STEAP1B: variants seen among roughly 807,000 people sequenced by gnomAD.
STEAP1B encodes the protein STEAP family protein MGC87042.
Under a neutral mutation model 27.9 loss-of-function variants are expected in STEAP1B, and 13 were observed. The ratio of observed to expected loss-of-function variants is 0.47; its 90% CI spans 0.30 to 0.74. The LOEUF is 0.74. Ranked by LOEUF, STEAP1B falls within the 30% of genes least tolerant of loss-of-function variation. STEAP1B has a pLI of 0.06. For synonymous variants in STEAP1B, 86 were observed against 107.1 expected (o/e 0.80, Z 1.22); for missense variants, 250 against 298.7 (o/e 0.84, Z 1.20).
chr7:22,480,261 G>A (rs73268570), intron 4 of STEAP1B, among the ~76,000 whole-genome samples: 341 of 152,196 alleles, frequency 2.2e-3, no homozygotes, highest in African/African-American at 7.4e-3. Context: ...TATCATTCTC[G>A]GCTAAAGGTA....
chr7:22,425,911 C>T (rs1785099787), intron 4 of STEAP1B, among the ~76,000 whole-genome samples: 1 of 152,232 alleles, frequency 6.6e-6, no homozygotes, highest in South Asian at 2.1e-4. Flanking sequence ...TCACAAATGG[C>T]TATTACAGCC....
intron 4 of STEAP1B, among the ~76,000 whole-genome samples, chr7:22,433,132 T>C (rs1359731660): frequency 2.5e-5 from 3 of 122,298 alleles, no homozygotes; most frequent in African/African-American, 9.0e-5. Flanking sequence ...AAATGAGTTA[T>C]TTCACCAAAA....
intron 4 of STEAP1B, among the ~76,000 whole-genome samples, chr7:22,470,676 T>C (rs953419935): frequency 6.6e-6 from 1 of 152,120 alleles, no homozygotes; most frequent in Non-Finnish European, 1.5e-5. Context: ...TGAGGCAGGA[T>C]TGAATCCTGG....
At chr7:22,473,607 G>A (rs1785923144) in intron 4 of STEAP1B, among the ~76,000 whole-genome samples, 1 of 152,188 alleles carries the variant, frequency 6.6e-6, no homozygotes, top group Admixed American at 6.5e-5. Flanking sequence ...CAGATTTTCT[G>A]GAGTTCTTCA....
chr7:22,464,120 T>A (rs1785729532), intron 4 of STEAP1B, among the ~76,000 whole-genome samples: 1 of 152,240 alleles, frequency 6.6e-6, no homozygotes, highest in Non-Finnish European at 1.5e-5. Flanking sequence ...TTAATTCAGC[T>A]GACAGTGTTG....
chr7:22,483,645 T>C (rs781170641), intron 4 of STEAP1B, among the ~76,000 whole-genome samples: 1 of 152,228 alleles, frequency 6.6e-6, no homozygotes, highest in Non-Finnish European at 1.5e-5. Context: ...TCTGTGATGG[T>C]GATCTGTCAT....
chr7:22,439,555 A>T (rs529192135), intron 4 of STEAP1B, among the ~76,000 whole-genome samples: 1 of 152,304 alleles, frequency 6.6e-6, no homozygotes, highest in Admixed American at 6.5e-5. Flanking sequence ...CATATTGTTC[A>T]AAAGGTCAAT....
chr7:22,444,855 C>CA (rs1785385415), intron 4 of STEAP1B, among the ~76,000 whole-genome samples: 1 of 152,208 alleles, frequency 6.6e-6, no homozygotes, highest in Non-Finnish European at 1.5e-5. Context: ...TCAGGTATTT[C>CA]ATGGGCTCCC....
chr7:22,496,020 T>C (rs1442918181), intron 1 of STEAP1B, among the ~76,000 whole-genome samples: 2 of 152,166 alleles, frequency 1.3e-5, no homozygotes, highest in African/African-American at 4.8e-5. Flanking sequence ...GAAGAAGGCA[T>C]TGTTATCAGA....
rs565569815 is a variant in STEAP1B at position 22,493,769 on chromosome 7, T to C, written c.152A>G (p.His51Arg). The change falls in exon 3 of 5, where the codon CAT (histidine) becomes CGT (arginine). Residue 51 changes from histidine (H) to arginine (R), a missense_variant. His to Arg is a conservative substitution (Grantham distance 29). Transcript: ENST00000678116. Reference protein sequence around the residue: ...PVLLHLQQTAHADEFDCPSEL... With the variant: ...PVLLHLQQTARADEFDCPSEL... ...TGAAGGGCAGTCAAATTCATCAGCA[T>C]GGGCTGTTTGCTGCAAATGCAAAAG... 322 of 1,613,850 alleles carry C rather than the reference T, an allele frequency of 2.0e-4. No homozygotes were observed. In the East Asian group the frequency reaches 7.1e-3, roughly 36 times the overall value.
At chr7:22,463,984 C>T (rs974397083) in intron 4 of STEAP1B, among the ~76,000 whole-genome samples, 8 of 151,852 alleles carry the variant, frequency 5.3e-5, no homozygotes, top group Admixed American at 1.3e-4. Flanking sequence ...AGAGCATCTG[C>T]ACAGCAAAAG....
At chr7:22,422,806 G>T (rs1217003372) in intron 4 of STEAP1B, among the ~76,000 whole-genome samples, 2 of 152,146 alleles carry the variant, frequency 1.3e-5, no homozygotes, top group African/African-American at 2.4e-5. Flanking sequence ...ATTTCAAAAA[G>T]ATTTGAAGCA....
chr7:22,441,802 T>C (rs1357157222), intron 4 of STEAP1B, among the ~76,000 whole-genome samples: 13 of 152,274 alleles, frequency 8.5e-5, no homozygotes, highest in Admixed American at 8.5e-4. Flanking sequence ...AACTGTGATG[T>C]GAATTTGCAC....
intron 1 of STEAP1B, among the ~76,000 whole-genome samples, chr7:22,498,097 A>G (rs1786472664): frequency 6.6e-6 from 1 of 152,172 alleles, no homozygotes; most frequent in African/African-American, 2.4e-5. Context: ...CGTTCATCTG[A>G]CAGGAGGTGG....
chr7:22,467,964 A>T (rs1785815518), intron 4 of STEAP1B, among the ~76,000 whole-genome samples: 1 of 152,170 alleles, frequency 6.6e-6, no homozygotes, highest in African/African-American at 2.4e-5. Flanking sequence ...AGGTGGAGGG[A>T]GCCCCAGAAT....
chr7:22,448,463 C>A (rs763510693), intron 4 of STEAP1B, among the ~76,000 whole-genome samples: 1 of 152,006 alleles, frequency 6.6e-6, no homozygotes, highest in Non-Finnish European at 1.5e-5. Context: ...AGGGACCTCA[C>A]GCTTAAAAAT....
intron 4 of STEAP1B, among the ~76,000 whole-genome samples, chr7:22,444,362 C>T (rs928375155): frequency 2.6e-5 from 4 of 152,102 alleles, no homozygotes; most frequent in Non-Finnish European, 4.4e-5. Flanking sequence ...TGGCTCTAGC[C>T]GTTACCCTGA....
chr7:22,437,309 G>A (rs1431554274), intron 4 of STEAP1B, among the ~76,000 whole-genome samples: 1 of 152,026 alleles, frequency 6.6e-6, no homozygotes, highest in East Asian at 1.9e-4. Flanking sequence ...CTGTTTCTAT[G>A]AGTTTGACTA....
At chr7:22,489,268 T>C (rs920400646) in intron 4 of STEAP1B, among the ~76,000 whole-genome samples, 15 of 152,210 alleles carry the variant, frequency 9.9e-5, no homozygotes, top group Non-Finnish European at 1.0e-4. Flanking sequence ...ACAACATTCA[T>C]GGACCATGAG....
Sources: allele counts gnomAD v4.1 joint callset (sites outside exome capture counted in the v4.1 genomes callset), GRCh38; gene constraint gnomAD v4.1.1; transcripts MANE v1.5; gene names NCBI Gene and HGNC (gene_info 2026-07-23, HGNC 2026-07-21).